Variants in ATXN7L1 observed in about 807,000 individuals in gnomAD.
The protein encoded by ATXN7L1 is ataxin-7-like protein 1.
A neutral mutation model predicts 70.8 loss-of-function variants in ATXN7L1; 15 were observed. That is an observed-to-expected ratio of 0.21 (90% CI 0.14 to 0.33). The LOEUF is 0.33. Ranked by LOEUF, ATXN7L1 falls within the 10% of genes least tolerant of loss-of-function variation. The probability of loss-of-function intolerance (pLI) is 1.00; values close to 1 mark genes in which losing one functional copy is unlikely to be tolerated. For synonymous variants in ATXN7L1, 440 were observed against 445.1 expected (o/e 0.99, Z 0.14); for missense variants, 975 against 1,097.1 (o/e 0.89, Z 1.57).
intron 4 of ATXN7L1, among the ~76,000 whole-genome samples, chr7:105,663,624 T>G (rs1802057569): frequency 6.6e-6 from 1 of 152,248 alleles, no homozygotes; most frequent in Non-Finnish European, 1.5e-5. Context: ...CCTTAAGTAC[T>G]CCAAGGTGGG....
intron 3 of ATXN7L1, among the ~76,000 whole-genome samples, chr7:105,770,776 T>C (rs1801875970): frequency 6.6e-6 from 1 of 152,212 alleles, no homozygotes; most frequent in Non-Finnish European, 1.5e-5. Context: ...TCTGTTATTC[T>C]GTAAGCATCA....
chr7:105,829,463 A>AAAC (rs372938947), intron 2 of ATXN7L1, among the ~76,000 whole-genome samples: 192 of 152,182 alleles, frequency 1.3e-3, no homozygotes, highest in African/African-American at 4.2e-3. Flanking sequence ...AAAAACAAAC[A>AAAC]AACAACAACA....
At chr7:105,763,923 G>A (rs758516688) in intron 3 of ATXN7L1, among the ~76,000 whole-genome samples, 10 of 151,912 alleles carry the variant, frequency 6.6e-5, no homozygotes, top group East Asian at 1.9e-4. Flanking sequence ...GCGTGTTCTC[G>A]GTTCACTGCA....
chr7:105,700,466 C>T (rs931664632), intron 3 of ATXN7L1, among the ~76,000 whole-genome samples: 4 of 123,074 alleles, frequency 3.3e-5, no homozygotes, highest in Non-Finnish European at 6.8e-5. Context: ...GAGATTGCAC[C>T]ACCATGCACT....
intron 2 of ATXN7L1, among the ~76,000 whole-genome samples, chr7:105,857,228 T>C (rs1244784234): frequency 6.6e-6 from 1 of 152,216 alleles, no homozygotes; most frequent in East Asian, 1.9e-4. Flanking sequence ...TATCCTTTAC[T>C]GTGGCCCATG....
intron 7 of ATXN7L1, among the ~76,000 whole-genome samples, chr7:105,628,005 C>T (rs569715780): frequency 7.9e-5 from 12 of 151,522 alleles, no homozygotes; most frequent in Admixed American, 2.0e-4. Context: ...CCACCATGCC[C>T]GGCTAATTTT....
intron 3 of ATXN7L1, among the ~76,000 whole-genome samples, chr7:105,731,793 G>GAAAAGAAAAGAAAAGAAAAGAA (rs1211063394): frequency 6.6e-6 from 1 of 151,390 alleles, no homozygotes; most frequent in African/African-American, 2.4e-5. Context: ...GAAAAGAAAA[G>GAAAAGAAAAGAAAAGAAAAGAA]AAAAGAAAAG....
intron 3 of ATXN7L1, among the ~76,000 whole-genome samples, chr7:105,737,429 T>C (rs918783160): frequency 6.6e-6 from 1 of 152,242 alleles, no homozygotes; most frequent in Non-Finnish European, 1.5e-5. Context: ...GATACTCTTA[T>C]AATCCTCATG....
At chr7:105,857,157 G>A (rs1339590318) in intron 2 of ATXN7L1, among the ~76,000 whole-genome samples, 2 of 152,148 alleles carry the variant, frequency 1.3e-5, no homozygotes, top group African/African-American at 2.4e-5. Flanking sequence ...GCCTCTGCAC[G>A]AGGTGTCCAT....
intron 7 of ATXN7L1, among the ~76,000 whole-genome samples, chr7:105,633,624 G>A (rs1196480374): frequency 6.6e-6 from 1 of 152,138 alleles, no homozygotes; most frequent in African/African-American, 2.4e-5. Context: ...GGAGGCTGAG[G>A]CAGGAAAATC....
intron 4 of ATXN7L1, among the ~76,000 whole-genome samples, chr7:105,664,627 G>A (rs1802324234): frequency 6.8e-6 from 1 of 146,694 alleles, no homozygotes; most frequent in African/African-American, 2.5e-5. Context: ...CTGGAGTGCA[G>A]TGGCGTGATC....
intron 3 of ATXN7L1, among the ~76,000 whole-genome samples, chr7:105,782,678 G>T (rs1469432996): frequency 6.6e-6 from 1 of 152,242 alleles, no homozygotes; most frequent in Non-Finnish European, 1.5e-5. Flanking sequence ...GGCAGGGAAC[G>T]CAGAGAGATA....
chr7:105,633,816 G>A (rs947767302), intron 7 of ATXN7L1, among the ~76,000 whole-genome samples: 2 of 152,156 alleles, frequency 1.3e-5, no homozygotes, highest in African/African-American at 4.8e-5. Context: ...AAAGAGAGGA[G>A]GAGATGAGTG....
intron 2 of ATXN7L1, among the ~76,000 whole-genome samples, chr7:105,859,125 C>G (rs747379286): frequency 3.9e-4 from 60 of 152,000 alleles, no homozygotes; most frequent in Admixed American, 1.6e-3. Context: ...CATTAGTTTT[C>G]TAAGTGTGAT....
intron 10 of ATXN7L1, chr7:105,613,584 A>G: frequency 7.4e-7 from 1 of 1,348,964 alleles, no homozygotes; most frequent in South Asian, 1.7e-5. Context: ...ACTCATCTGT[A>G]AAGTGATAAC....
intron 3 of ATXN7L1, among the ~76,000 whole-genome samples, chr7:105,695,918 CAGG>C (rs755939383): frequency 1.3e-5 from 2 of 152,050 alleles, no homozygotes; most frequent in East Asian, 3.9e-4. Flanking sequence ...TGCAGATGGC[CAGG>C]AGGTTTGCAG....
intron 3 of ATXN7L1, among the ~76,000 whole-genome samples, chr7:105,764,376 G>C (rs1256065281): frequency 6.6e-6 from 1 of 151,890 alleles, no homozygotes; most frequent in Non-Finnish European, 1.5e-5. Flanking sequence ...ATAGTCCCAG[G>C]GCCAACAGCA....
At chr7:105,727,777 T>TATATATATATATATACACAC (rs1462125950) in intron 3 of ATXN7L1, among the ~76,000 whole-genome samples, 2 of 90,246 alleles carry the variant, frequency 2.2e-5, no homozygotes, top group Admixed American at 1.1e-4. Context: ...TATATATATA[T>TATATATATATATATACACAC]ACACACACAT....
In ATXN7L1 at chr7:105,643,902, CTCT is replaced by C. The variant is rs573904716; in HGVS notation, c.579-784_579-782del. 3.2e-3 allele frequency among the ~76,000 whole-genome samples: 483 copies of C among 152,350 alleles called. 3 individuals carry two copies. Among genetic ancestry groups the C allele is most frequent in the Non-Finnish European group, 3.0e-3 (206 of 68,040 alleles). On this transcript the variant is annotated intron_variant, in intron 4 of 11. Coordinates refer to ENST00000419735, the MANE Select transcript of ATXN7L1 (RefSeq NM_020725.2). The stretch of plus-strand genomic sequence containing the variant: ...CCTGTATGGGATGTGCATTTGATTT[CTCT>C]TCTTCTTTAATGCTGAAGGACCTGC...
Sources: gnomAD v4.1 joint callset for allele counts (sites outside exome capture counted in the v4.1 genomes callset) on GRCh38, gnomAD v4.1.1 for gene constraint, MANE v1.5 for transcripts, NCBI Gene and HGNC (gene_info 2026-07-23, HGNC 2026-07-21) for gene names.